Variants in ZNF76 observed in about 807,000 individuals in gnomAD.
ZNF76 encodes zinc finger protein 523.
ZNF76 carries 66 observed loss-of-function variants against 66.9 expected under a neutral mutation model. The ratio of observed to expected loss-of-function variants is 0.99; its 90% CI spans 0.81 to 1.21. The LOEUF (loss-of-function observed/expected upper bound fraction) is 1.21, where lower values mean the gene tolerates loss of function less well. ZNF76 is among the 50% of genes most tolerant of loss of function. ZNF76 has a pLI of 0.00. For synonymous variants in ZNF76, 275 were observed against 296.1 expected (o/e 0.93, Z 0.73); for missense variants, 729 against 760.3 (o/e 0.96, Z 0.48).
intron 13 of ZNF76, 126 bp downstream of exon 13, chr6:35,294,695 A>G: frequency 1.3e-6 from 1 of 742,370 alleles, no homozygotes; most frequent in Non-Finnish European, 2.4e-6. Flanking sequence ...TTCAGAGGAC[A>G]GATCCCTTTC....
At position 35,291,564 on chromosome 6, in the gene ZNF76, G is replaced by A. The variant is rs367910979; in HGVS notation, c.758G>A (p.Arg253His). 12 of 1,613,152 alleles carry A rather than the reference G, an allele frequency of 7.4e-6. No individual in the cohort carries two copies. Among genetic ancestry groups the A allele is most frequent in the South Asian group, 2.2e-5 (2 of 91,062 alleles). ...QKHVRTHTGE[R>H]PFQCPFEGCG... ...CATCCCACCATTTGCATAGGTGAAC[G>A]CCCGTTCCAGTGCCCTTTTGAGGGC... The change falls in exon 9 of 14, where the codon CGC becomes CAC. Residue 253 changes from arginine (R) to histidine (H), a missense_variant. Physicochemically the swap from Arg to His is conservative, Grantham distance 29 (BLOSUM62 0). Transcript: ENST00000373953.
chr6:35,290,136 G>A (rs552095723), intron 5 of ZNF76, 130 bp from the exon 6 acceptor site: 4 of 1,226,710 alleles, frequency 3.3e-6, no homozygotes, highest in African/African-American at 3.0e-5. Flanking sequence ...GTCTAGTTAT[G>A]TTCTTCTGCC....
intron 2 of ZNF76, among the ~76,000 whole-genome samples, chr6:35,285,134 T>G (rs1030256053): frequency 6.6e-6 from 1 of 152,270 alleles, no homozygotes; most frequent in Non-Finnish European, 1.5e-5. Context: ...TTATTAGAAG[T>G]GCTTTCCAGT....
chr6:35,272,203 A>G (rs527532654), intron 1 of ZNF76, among the ~76,000 whole-genome samples: 108 of 152,198 alleles, frequency 7.1e-4, no homozygotes, highest in African/African-American at 2.3e-3. Context: ...GCACTTTGGG[A>G]GGCTGAGGTG....
chr6:35,264,961 C>G (rs1434292645), intron 1 of ZNF76, among the ~76,000 whole-genome samples: 1 of 152,050 alleles, frequency 6.6e-6, no homozygotes, highest in African/African-American at 2.4e-5. Flanking sequence ...CAGAGCTCTA[C>G]TAGGGTCTTC....
chr6:35,294,526 T>C lies in ZNF76; in HGVS notation c.1565T>C (p.Val522Ala). ...SSVASLRHQQ[V>A]ALLATANGTH... ...GTAGCATCTCTTCGTCATCAACAGG[T>C]GGCACTGTTGGCCACAGCCAACGGA... is the stretch of plus-strand genomic sequence containing the variant. The change falls in exon 13 of 14, where the codon GTG becomes GCG. Residue 522 changes from valine to alanine, a missense_variant. Coordinates refer to ENST00000373953, the MANE Select transcript of ZNF76 (RefSeq NM_003427.5). The C allele has an allele frequency of 6.8e-6, 11 of 1,614,028 alleles. No homozygotes were observed. The highest frequency in any genetic ancestry group is 9.3e-6 in the Non-Finnish European group (11 of 1,179,928).
In ZNF76 at chr6:35,293,928, G is replaced by T; in HGVS notation, c.1494+13G>T. 5.6e-6 allele frequency: 9 copies of T among 1,612,684 alleles called. No individual in the cohort carries two copies. The highest frequency in any genetic ancestry group is 7.6e-6 in the Non-Finnish European group (9 of 1,179,062). On this transcript the variant is annotated intron_variant, in intron 12 of 13. Coordinates refer to ENST00000373953, the MANE Select transcript of ZNF76 (RefSeq NM_003427.5). ...CCAGACGCAGCCCGTATGACCAGGC[G>T]GTTTGCTTGGGGTTTCTTATTTTGT...
rs556668878 is a variant in ZNF76, at chr6:35,287,103, C to G, written c.233-543C>G. Among the ~76,000 whole-genome samples, 15 of 152,182 alleles carry G rather than the reference C, an allele frequency of 9.9e-5. No homozygotes were observed. Among genetic ancestry groups the G allele is most frequent in the African/African-American group, 3.6e-4 (15 of 41,506 alleles). Reference sequence around the variant, plus strand: ...TAGAGCTGGGGGGAAGAAAGAACAGCACATTCCAGGAACTGCTAGGAGCTA... The same window carrying G: ...TAGAGCTGGGGGGAAGAAAGAACAGGACATTCCAGGAACTGCTAGGAGCTA... On this transcript the variant is annotated intron_variant, in intron 4 of 13. Coordinates refer to ENST00000373953, the MANE Select transcript of ZNF76 (RefSeq NM_003427.5). The surrounding 1 kb of genome is among the most constrained non-coding windows in gnomAD (Gnocchi z 4.0).
At position 35,294,798 on chromosome 6, in the gene ZNF76, C is replaced by G. The variant is rs1347150248; in HGVS notation, c.1608+229C>G. The G allele has an allele frequency of 1.3e-5, 8 of 593,128 alleles. No homozygotes were observed. In the East Asian group the frequency reaches 2.0e-4, roughly 15 times the overall value. The allele number at this position is 593,128 out of a possible 1,614,324, so 36.7% of individuals were successfully genotyped here. A position where few individuals can be genotyped will look rare whatever the true frequency, so the allele number is the denominator to read the frequency against. On this transcript the variant is annotated intron_variant, in intron 13 of 13. Coordinates refer to ENST00000373953, the MANE Select transcript of ZNF76 (RefSeq NM_003427.5). ...CCTTCAGGATAACTCCGATGGCAGT[C>G]CACCTGTGGTCCAAGCCCTTCATCA... is the stretch of plus-strand genomic sequence containing the variant.
rs888909200 is a variant in ZNF76, at chr6:35,293,185, T to G, written c.1329+141T>G. 1.4e-5 allele frequency: 14 copies of G among 995,504 alleles called. No individual in the cohort carries two copies. In the African/African-American group the frequency reaches 1.8e-4, roughly 13 times the overall value. The allele number at this position is 995,504 out of a possible 1,614,324, so 61.7% of individuals were successfully genotyped here. A position where few individuals can be genotyped will look rare whatever the true frequency, so the allele number is the denominator to read the frequency against. ...TTTTATAGACTTCAGAGGCTGAGGC[T>G]GAGGAGACCACATCTTGCAGCACAG... On this transcript the variant is annotated intron_variant, in intron 11 of 13. Transcript: ENST00000373953.
At position 35,292,685 on chromosome 6, in the gene ZNF76, C is replaced by A. The variant is rs371253693; in HGVS notation, c.1063C>A (p.Arg355=). 3 of 1,614,050 alleles carry A rather than the reference C, an allele frequency of 1.9e-6. No individual in the cohort carries two copies. The African/African-American group carries it at 4.0e-5, about 22-fold the overall frequency. The change falls in exon 10 of 14, where the codon CGG becomes AGG. Residue 355 remains arginine (R), a synonymous_variant. Coordinates refer to ENST00000373953, the MANE Select transcript of ZNF76 (RefSeq NM_003427.5). The surrounding 1 kb of genome is among the most constrained non-coding windows in gnomAD (Gnocchi z 4.7). The stretch of plus-strand genomic sequence containing the variant: ...CTGCAGCACCTGCGGCAAGACCTAC[C>A]GGCAGACCTCCACCTTGGCCATGCA... ...YTCSTCGKTY[R]QTSTLAMHKR...
chr6:35,260,048 C>T (rs1443149959), intron 1 of ZNF76, among the ~76,000 whole-genome samples: 1 of 151,944 alleles, frequency 6.6e-6, no homozygotes, highest in African/African-American at 2.4e-5. Flanking sequence ...CCCGTGACTC[C>T]CAAACCTCAC....
chr6:35,286,860 C>G (rs781270150), intron 4 of ZNF76: 3 of 205,710 alleles, frequency 1.5e-5, no homozygotes, highest in African/African-American at 6.9e-5. Flanking sequence ...AAGTCAGACA[C>G]AGTCCCCGCT....
intron 6 of ZNF76, 32 bp from the exon 7 acceptor site, chr6:35,290,609 C>G: frequency 6.2e-7 from 1 of 1,612,818 alleles, no homozygotes. Context: ...TACCCTTGCT[C>G]CTCTGAATTA....
intron 1 of ZNF76, among the ~76,000 whole-genome samples, chr6:35,278,669 G>C (rs1483170692): frequency 3.3e-5 from 5 of 152,244 alleles, no homozygotes; most frequent in African/African-American, 9.6e-5. Flanking sequence ...TTTGAGAATG[G>C]ATGTCAAAGA....
chr6:35,291,523 C>T, intron 8 of ZNF76, 35 bp from the exon 9 acceptor site: 1 of 1,607,114 alleles, frequency 6.2e-7, no homozygotes, highest in Non-Finnish European at 8.5e-7. Flanking sequence ...GGCCCTCTTT[C>T]CCACACCCCT....
intron 2 of ZNF76, among the ~76,000 whole-genome samples, chr6:35,282,119 A>G (rs980083514): frequency 6.6e-6 from 1 of 152,098 alleles, no homozygotes; most frequent in African/African-American, 2.4e-5. Context: ...TGTTGTAGGG[A>G]CGTATGTATA....
At position 35,281,026 on chromosome 6, in the gene ZNF76, C is replaced by T. The variant is rs955664628; in HGVS notation, c.-96-30C>T. The T allele has an allele frequency of 7.5e-6, 7 of 927,784 alleles. 1 individual carries two copies. Among genetic ancestry groups the T allele is most frequent in the East Asian group, 4.8e-5 (2 of 41,480 alleles). 57.5% of individuals were successfully genotyped at this position (927,784 alleles called of 1,614,324 possible). A position where few individuals can be genotyped will look rare whatever the true frequency, so the allele number is the denominator to read the frequency against. On this transcript the variant is annotated intron_variant, in intron 1 of 13. Transcript: ENST00000373953. ...TTTGCGATAGGAGAAAGCTGGTTAA[C>T]TCATAATGTGATACTGTTTATTTTC...
At chr6:35,269,524 C>G (rs570580321) in intron 1 of ZNF76, among the ~76,000 whole-genome samples, 40 of 152,276 alleles carry the variant, frequency 2.6e-4, no homozygotes, top group African/African-American at 9.4e-4. Flanking sequence ...CTGGTACTAT[C>G]TCACTTCATC....
Sources: allele counts gnomAD v4.1 joint callset (sites outside exome capture counted in the v4.1 genomes callset), GRCh38; gene constraint gnomAD v4.1.1; non-coding constraint Gnocchi (gnomAD v3.1); transcripts MANE v1.5; gene names NCBI Gene and HGNC (gene_info 2026-07-23, HGNC 2026-07-21).